Variants in ANKRD13C observed in about 807,000 individuals in gnomAD.
ANKRD13C encodes the protein ankyrin repeat domain-containing protein 13C.
Under a neutral mutation model 65.5 loss-of-function variants are expected in ANKRD13C, and 16 were observed. That is an observed-to-expected ratio of 0.24 (90% confidence interval 0.17 to 0.37). ANKRD13C has a LOEUF of 0.37. ANKRD13C is among the 10% of genes least tolerant of loss of function. The pLI is 1.00. For synonymous variants in ANKRD13C, 235 were observed against 238.7 expected (o/e 0.98, Z 0.14); for missense variants, 503 against 655.9 (o/e 0.77, Z 2.55).
intron 5 of ANKRD13C, among the ~76,000 whole-genome samples, chr1:70,307,913 C>A (rs1478204152): frequency 1.3e-5 from 2 of 151,944 alleles, no homozygotes; most frequent in Non-Finnish European, 2.9e-5. Context: ...CATGCCACTG[C>A]ACTCCAGCCC....
rs1679905671 is a variant in ANKRD13C, at chr1:70,292,565, A to G, written c.1054-16T>C. 1.3e-6 allele frequency: 2 copies of G among 1,570,242 alleles called. No individual in the cohort carries two copies. The highest frequency in any genetic ancestry group is 2.3e-5 in the East Asian group (1 of 44,046). ...CTACTCTTTCCTAAAACAAAACCAA[A>G]TATTTAAAAGTAAAATTTTTAGGTT... On this transcript the variant is annotated splice_polypyrimidine_tract_variant and intron_variant, in intron 8 of 12. Coordinates refer to ENST00000370944, the MANE Select transcript of ANKRD13C (RefSeq NM_030816.5).
chr1:70,267,033 C>A (rs1167833609), intron 12 of ANKRD13C, among the ~76,000 whole-genome samples: 1 of 152,170 alleles, frequency 6.6e-6, no homozygotes, highest in African/African-American at 2.4e-5. Context: ...GGTGTTGAGT[C>A]TCCAGTTATA....
chr1:70,262,738 T>C lies in ANKRD13C; in HGVS notation c.1605A>G (p.Pro535=), dbSNP rs1678436621. ...TCAGTTAAAGATCAGGAAAACGGCT[T>C]GGGTCTTCCTTGTAGTCATCAGGTA... ...FTIPDDYKED[P]SRFPDL is the part of the protein sequence containing the mutation. Residue 535 remains proline, a synonymous_variant, in exon 13 of 13, where the codon CCA becomes CCG. Transcript: ENST00000370944. The C allele has an allele frequency of 1.2e-6, 2 of 1,612,440 alleles. No individual in the cohort carries two copies. Among genetic ancestry groups the C allele is most frequent in the South Asian group, 2.2e-5 (2 of 90,914 alleles).
chr1:70,315,697 A>T (rs1211042660), intron 3 of ANKRD13C, 131 bp from the exon 4 acceptor site: 3 of 609,824 alleles, frequency 4.9e-6, no homozygotes, highest in Non-Finnish European at 8.0e-6. Context: ...GTGTATGTGT[A>T]TGTGTGTATC....
intron 1 of ANKRD13C, among the ~76,000 whole-genome samples, chr1:70,338,036 T>G (rs1337364688): frequency 6.6e-6 from 1 of 151,980 alleles, no homozygotes; most frequent in African/African-American, 2.4e-5. Context: ...GAGGCGAAGG[T>G]TGCGGTGAAC....
intron 9 of ANKRD13C, among the ~76,000 whole-genome samples, chr1:70,289,403 A>G (rs1679758575): frequency 6.6e-6 from 1 of 152,186 alleles, no homozygotes; most frequent in African/African-American, 2.4e-5. Context: ...CAAACAGTCC[A>G]TGAAACAGCA....
chr1:70,307,188 T>G (rs949049875), intron 5 of ANKRD13C, among the ~76,000 whole-genome samples: 1 of 152,184 alleles, frequency 6.6e-6, no homozygotes, highest in Non-Finnish European at 1.5e-5. Flanking sequence ...AAAGGCTAAT[T>G]TCTTAGTTAA....
chr1:70,318,230 AATGAAG>A (rs1260140200), intron 3 of ANKRD13C, among the ~76,000 whole-genome samples: 2 of 152,200 alleles, frequency 1.3e-5, no homozygotes, highest in Non-Finnish European at 2.9e-5. Context: ...ACTGATTAAC[AATGAAG>A]ATTAAAATTA....
chr1:70,302,722 T>C (rs1405975121), intron 6 of ANKRD13C, among the ~76,000 whole-genome samples: 1 of 35,300 alleles, frequency 2.8e-5, no homozygotes, highest in Non-Finnish European at 4.2e-5. Context: ...CGAGACTCCG[T>C]CTCAAAAAAA....
At position 70,292,409 on chromosome 1, in the gene ANKRD13C, G is replaced by A. The variant is rs1413757618; in HGVS notation, c.1194C>T (p.Asn398=). 22 of 1,588,346 alleles carry A rather than the reference G, an allele frequency of 1.4e-5. No individual in the cohort carries two copies. The highest frequency in any genetic ancestry group is 1.8e-5 in the Non-Finnish European group (21 of 1,172,992). Residue 398 remains asparagine (N), a synonymous_variant, in exon 9 of 13, where the codon AAC becomes AAT. Transcript: ENST00000370944. ...ATACCTCAAAATTCTGTTCCATTAT[G>A]TTTCCACCTTTACTCAAACTCTCCA... ...AIMESLSKGG[N]IMEQNFEPIR...
intron 9 of ANKRD13C, among the ~76,000 whole-genome samples, chr1:70,283,393 T>C (rs957952008): frequency 2.6e-5 from 4 of 152,238 alleles, no homozygotes; most frequent in Non-Finnish European, 5.9e-5. Context: ...CTATTTTCCT[T>C]GAAGCATATA....
Position 70,331,277 on chromosome 1 carries a change from T to G in ANKRD13C, c.472+4781A>C, listed in dbSNP as rs960535426. Reference sequence around the variant, plus strand: ...TAAAAGCAAGGTATAGAACACTAAGTAGGCCAGGCGCAGTGACTCACACCT... The same window carrying G: ...TAAAAGCAAGGTATAGAACACTAAGGAGGCCAGGCGCAGTGACTCACACCT... On this transcript the variant is annotated intron_variant, in intron 2 of 12. Coordinates refer to ENST00000370944, the MANE Select transcript of ANKRD13C (RefSeq NM_030816.5). Among the ~76,000 whole-genome samples, 8 of 152,024 alleles carry G rather than the reference T, an allele frequency of 5.3e-5. No individual in the cohort carries two copies. The South Asian group carries it at 1.7e-3, about 32-fold the overall frequency.
intron 2 of ANKRD13C, 24 bp downstream of exon 2, chr1:70,336,034 T>TA (rs754676597): frequency 1.6e-5 from 12 of 770,972 alleles, no homozygotes; most frequent in African/African-American, 1.1e-4. Flanking sequence ...AAGTTAAACA[T>TA]AAAAAAAGAA....
intron 12 of ANKRD13C, among the ~76,000 whole-genome samples, chr1:70,265,815 A>T (rs1205770106): frequency 6.3e-5 from 8 of 127,472 alleles, no homozygotes. Flanking sequence ...ACAGTGTCAG[A>T]CCTTGCCTCA....
Position 70,259,017 on chromosome 1 carries a change from C to G in ANKRD13C, c.*3700G>C, listed in dbSNP as rs147728210. On this transcript the variant is annotated 3_prime_UTR_variant, in exon 13 of 13. Transcript: ENST00000370944. ...CAGCTTGTGGTCTCGGAGCAATAGG[C>G]TTTATTGTATAGTCTAGGTGAGTGG... 6.6e-6 allele frequency among the ~76,000 whole-genome samples: 1 copy of G among 152,046 alleles called. No homozygotes were observed. Among genetic ancestry groups the G allele is most frequent in the Non-Finnish European group, 1.5e-5 (1 of 68,014 alleles).
At chr1:70,331,827 A>T (rs1343375709) in intron 2 of ANKRD13C, among the ~76,000 whole-genome samples, 1 of 128,774 alleles carries the variant, frequency 7.8e-6, no homozygotes, top group Non-Finnish European at 1.8e-5. Context: ...ACTCAAAAAA[A>T]AAAAAAAAAA....
At chr1:70,337,954 C>T (rs1169773880) in intron 1 of ANKRD13C, among the ~76,000 whole-genome samples, 2 of 152,024 alleles carry the variant, frequency 1.3e-5, no homozygotes, top group Admixed American at 6.6e-5. Context: ...ACAAAATTAG[C>T]CAGGGGTGGT....
At chr1:70,292,255 AT>A in intron 9 of ANKRD13C, 132 bp downstream of exon 9, 1 of 626,308 alleles carries the variant, frequency 1.6e-6, no homozygotes, top group Non-Finnish European at 2.4e-6. Context: ...CGAAATGAAG[AT>A]TCACAGAAAA....
chr1:70,273,491 G>A (rs1385302097), intron 11 of ANKRD13C, among the ~76,000 whole-genome samples: 2 of 152,040 alleles, frequency 1.3e-5, no homozygotes, highest in African/African-American at 4.8e-5. Flanking sequence ...TGTTGGAGAG[G>A]ATATATTCAA....
Sources: allele counts gnomAD v4.1 joint callset (sites outside exome capture counted in the v4.1 genomes callset), GRCh38; gene constraint gnomAD v4.1.1; transcripts MANE v1.5; gene names NCBI Gene and HGNC (gene_info 2026-07-23, HGNC 2026-07-21).